Variants in DLGAP1 observed in about 807,000 individuals in gnomAD.
DLGAP1 encodes DLG associated protein 1.
A neutral mutation model predicts 90.8 loss-of-function variants in DLGAP1; 11 were observed. That is an observed-to-expected ratio of 0.12 (90% CI 0.08 to 0.20). The LOEUF (loss-of-function observed/expected upper bound fraction) is 0.20. Ranked by LOEUF, DLGAP1 falls within the 10% of genes least tolerant of loss-of-function variation. The pLI is 1.00. For missense variants in DLGAP1, 1,050 were observed against 1,333.8 expected (o/e 0.79, Z 3.31); for synonymous variants, 558 against 540.7 (o/e 1.03, Z -0.44).
chr18:4,447,882 C>G (rs16946829), intron 1 of DLGAP1, among the ~76,000 whole-genome samples: 1 of 152,072 alleles, frequency 6.6e-6, no homozygotes, highest in African/African-American at 2.4e-5. Flanking sequence ...GTCCAAGAGG[C>G]CACTTCTTCA....
chr18:4,017,804 G>A (rs1315522918), intron 2 of DLGAP1, among the ~76,000 whole-genome samples: 1 of 151,924 alleles, frequency 6.6e-6, no homozygotes, highest in Non-Finnish European at 1.5e-5. Flanking sequence ...TTGCTTTGCC[G>A]ATTAGTGAAA....
At chr18:4,429,437 T>C (rs1011368460) in intron 1 of DLGAP1, among the ~76,000 whole-genome samples, 1 of 152,236 alleles carries the variant, frequency 6.6e-6, no homozygotes, top group African/African-American at 2.4e-5. Flanking sequence ...TTATAAAGTA[T>C]TTTGATTTTT....
At chr18:4,190,515 A>G (rs1458905390) in intron 1 of DLGAP1, among the ~76,000 whole-genome samples, 1 of 152,146 alleles carries the variant, frequency 6.6e-6, no homozygotes, top group African/African-American at 2.4e-5. Flanking sequence ...CTCTAATGTA[A>G]CTATGAACTT....
At position 3,617,473 on chromosome 18, in the gene DLGAP1, G is replaced by C. The variant is rs563751577; in HGVS notation, c.1592-35225C>G. On this transcript the variant is annotated intron_variant, in intron 7 of 12. Transcript: ENST00000315677. ...AAATTAGCTGGGCGTGGTGGTGGGC[G>C]CCTGTAATCCCAGCTACTTGGGAGG... Among the ~76,000 whole-genome samples, 4 of 151,626 alleles carry C rather than the reference G, an allele frequency of 2.6e-5. No individual in the cohort carries two copies. In the South Asian group the frequency reaches 8.3e-4, roughly 32 times the overall value.
At chr18:3,502,672 T>A in intron 11 of DLGAP1, 27 bp from the exon 12 acceptor site, 1 of 1,593,372 alleles carries the variant, frequency 6.3e-7, no homozygotes. Context: ...AAAACATTCA[T>A]GCTTTAGAAG....
intron 1 of DLGAP1, among the ~76,000 whole-genome samples, chr18:4,251,643 G>A (rs1343701117): frequency 2.0e-5 from 3 of 152,112 alleles, no homozygotes; most frequent in Admixed American, 6.6e-5. Context: ...TACAATCCCT[G>A]GTACAAATAC....
intron 7 of DLGAP1, among the ~76,000 whole-genome samples, chr18:3,616,180 C>T (rs1243344567): frequency 6.6e-6 from 1 of 152,214 alleles, no homozygotes; most frequent in Non-Finnish European, 1.5e-5. Flanking sequence ...CCTCGGGAGA[C>T]TGCATTTTCC....
chr18:3,657,895 C>T (rs949864772), intron 7 of DLGAP1, among the ~76,000 whole-genome samples: 10 of 152,056 alleles, frequency 6.6e-5, no homozygotes, highest in Admixed American at 1.3e-4. Flanking sequence ...TGAGCCACCG[C>T]GCCCGGCTCC....
At chr18:3,717,236 G>A (rs1046343217) in intron 7 of DLGAP1, among the ~76,000 whole-genome samples, 1 of 152,074 alleles carries the variant, frequency 6.6e-6, no homozygotes, top group African/African-American at 2.4e-5. Flanking sequence ...CTAGAAATGT[G>A]ATCAGCAGTC....
At chr18:3,797,016 G>C (rs1176769018) in intron 5 of DLGAP1, among the ~76,000 whole-genome samples, 4 of 152,122 alleles carry the variant, frequency 2.6e-5, no homozygotes, top group Non-Finnish European at 5.9e-5. Flanking sequence ...AGAACTTCAT[G>C]ATGGGAATAG....
intron 3 of DLGAP1, among the ~76,000 whole-genome samples, chr18:3,982,635 G>T (rs113215810): frequency 3.0e-4 from 46 of 152,028 alleles, no homozygotes; most frequent in African/African-American, 1.1e-3. Context: ...CACATGGTAA[G>T]CCCTTAAGAC....
intron 1 of DLGAP1, among the ~76,000 whole-genome samples, chr18:4,311,228 A>T (rs1258580592): frequency 6.6e-6 from 1 of 151,332 alleles, no homozygotes; most frequent in East Asian, 1.9e-4. Context: ...CTTGAGCAGA[A>T]CTATAAACAT....
chr18:4,070,673 A>G (rs1486794578), intron 2 of DLGAP1, among the ~76,000 whole-genome samples: 1 of 152,038 alleles, frequency 6.6e-6, no homozygotes, highest in Non-Finnish European at 1.5e-5. Flanking sequence ...CATGGCAAGG[A>G]GCCTTAAACA....
At chr18:3,749,093 TCTTCTC>T (rs574160325) in intron 5 of DLGAP1, among the ~76,000 whole-genome samples, 21 of 151,658 alleles carry the variant, frequency 1.4e-4, no homozygotes, top group African/African-American at 4.6e-4. Context: ...TCCTATTCTG[TCTTCTC>T]CTTCTCCTTC....
At chr18:4,152,424 TGGC>T (rs1452732397) in intron 1 of DLGAP1, among the ~76,000 whole-genome samples, 3 of 152,202 alleles carry the variant, frequency 2.0e-5, no homozygotes, top group Non-Finnish European at 2.9e-5. Flanking sequence ...GGAGGTGATA[TGGC>T]TCGATCAATT....
rs767760816 is a variant in DLGAP1 at position 3,977,434 on chromosome 18, G to GGTTTTTTTTTTTTTTTTTTTTT, written c.-73+27681_-73+27682insAAAAAAAAAAAAAAAAAAAAAC. On this transcript the variant is annotated intron_variant, in intron 3 of 12. Transcript: ENST00000315677. ...AGTTAATGAATTATGTTTATTCTGT[G>GGTTTTTTTTTTTTTTTTTTTTT]TTTTTTTTTTTTTTTTTTTTGCTGA... Among the ~76,000 whole-genome samples, 11 of 95,334 alleles carry GGTTTTTTTTTTTTTTTTTTTTT rather than the reference G, an allele frequency of 1.2e-4. 2 individuals carry two copies. Among genetic ancestry groups the GGTTTTTTTTTTTTTTTTTTTTT allele is most frequent in the African/African-American group, 3.3e-4 (8 of 23,946 alleles). 62.5% of individuals were successfully genotyped at this position (95,334 alleles called of 152,430 possible). A position where few individuals can be genotyped will look rare whatever the true frequency, so the allele number is the denominator to read the frequency against.
chr18:4,299,361 G>T (rs1388212299), intron 1 of DLGAP1, among the ~76,000 whole-genome samples: 1 of 152,140 alleles, frequency 6.6e-6, no homozygotes, highest in Non-Finnish European at 1.5e-5. Context: ...TTTCTTTGAA[G>T]AAATCACTTT....
chr18:4,410,677 T>TC (rs2082758166), intron 1 of DLGAP1, among the ~76,000 whole-genome samples: 1 of 109,972 alleles, frequency 9.1e-6, no homozygotes, highest in Non-Finnish European at 1.9e-5. Flanking sequence ...GACATACAAT[T>TC]CCCCCCAAAT....
chr18:3,998,063 C>T (rs1389356772), intron 3 of DLGAP1, among the ~76,000 whole-genome samples: 1 of 152,064 alleles, frequency 6.6e-6, no homozygotes, highest in African/African-American at 2.4e-5. Context: ...TGTCTGGTGG[C>T]TTTTTTGTGA....
Sources: gnomAD v4.1 joint callset for allele counts (sites outside exome capture counted in the v4.1 genomes callset) on GRCh38, gnomAD v4.1.1 for gene constraint, MANE v1.5 for transcripts, NCBI Gene and HGNC (gene_info 2026-07-23, HGNC 2026-07-21) for gene names.